Variants in IFIH1 observed in about 807,000 individuals in gnomAD.
IFIH1 encodes interferon-induced helicase C domain-containing protein 1.
In IFIH1, 125 loss-of-function variants were observed where a neutral mutation model predicts 107.4. That is an observed-to-expected ratio of 1.16 (90% CI 1.01 to 1.35). The LOEUF (loss-of-function observed/expected upper bound fraction) is 1.35, where lower values mean the gene tolerates loss of function less well. Ranked by LOEUF, IFIH1 falls within the 40% of genes most tolerant of loss-of-function variation. IFIH1 has a pLI of 0.00. For missense variants in IFIH1, 1,333 were observed against 1,213.7 expected, an observed-to-expected ratio of 1.10 and a Z score of -1.46; for synonymous variants, 458 against 413.2, an observed-to-expected ratio of 1.11 and a Z score of -1.31.
chr2:162,294,501 T>C (rs1683051252), intron 3 of IFIH1, among the ~76,000 whole-genome samples: 1 of 151,954 alleles, frequency 6.6e-6, no homozygotes, highest in Admixed American at 6.6e-5. Flanking sequence ...TTACTAATAT[T>C]GGCTTTGGAA....
Position 162,288,273 on chromosome 2 carries a change from G to A in IFIH1, c.957C>T (p.Ala319=), listed in dbSNP as rs1450839888. Residue 319 remains alanine (A), a synonymous_variant, in exon 5 of 16, where the codon GCC becomes GCT. Coordinates refer to ENST00000649979, the MANE Select transcript of IFIH1 (RefSeq NM_022168.4). ...AGATGATGATATTCTTCCCTTCCAA[G>A]GCTGGCTGGGCAACTTCCATTTGGT... is the stretch of plus-strand genomic sequence containing the variant. The part of the protein sequence containing the change: ...RPYQMEVAQP[A]LEGKNIIICL... The A allele has an allele frequency of 2.5e-6, 4 of 1,612,650 alleles. No homozygotes were observed. The highest frequency in any genetic ancestry group is 2.2e-5 in the East Asian group (1 of 44,840).
intron 1 of IFIH1, among the ~76,000 whole-genome samples, chr2:162,315,094 G>A (rs1314996852): frequency 6.6e-6 from 1 of 152,160 alleles, no homozygotes; most frequent in East Asian, 1.9e-4. Context: ...TGTCTATGGG[G>A]AAACAGAAAA....
At position 162,304,757 on chromosome 2, in the gene IFIH1, A is replaced by G. The variant is rs572790169; in HGVS notation, c.769+1952T>C. Reference sequence around the variant, plus strand: ...ATAACGAAATACCATTTTTAATAGCAGCCAAATTGAAAAGATTGAACATGA... The same window carrying G: ...ATAACGAAATACCATTTTTAATAGCGGCCAAATTGAAAAGATTGAACATGA... On this transcript the variant is annotated intron_variant, in intron 3 of 15. Coordinates refer to ENST00000649979, the MANE Select transcript of IFIH1 (RefSeq NM_022168.4). 2.0e-5 allele frequency among the ~76,000 whole-genome samples: 3 copies of G among 152,330 alleles called. No homozygotes were observed. In the South Asian group the frequency reaches 6.2e-4, roughly 32 times the overall value.
chr2:162,304,476 C>T (rs1465917739), intron 3 of IFIH1, among the ~76,000 whole-genome samples: 3 of 151,950 alleles, frequency 2.0e-5, no homozygotes, highest in Admixed American at 1.3e-4. Flanking sequence ...TCCCCGCCTG[C>T]CCCCAGAACC....
chr2:162,303,419 C>T (rs757501693), intron 3 of IFIH1, among the ~76,000 whole-genome samples: 1 of 152,034 alleles, frequency 6.6e-6, no homozygotes, highest in Non-Finnish European at 1.5e-5. Context: ...CCTGGCCTGA[C>T]TCATTTACTC....
intron 14 of IFIH1, among the ~76,000 whole-genome samples, chr2:162,267,844 G>A (rs1467446849): frequency 6.6e-6 from 1 of 152,200 alleles, no homozygotes; most frequent in African/African-American, 2.4e-5. Context: ...GAGAACAAAT[G>A]ATGAGCATAC....
intron 2 of IFIH1, chr2:162,310,308 AATGCTGTT>A: frequency 5.8e-6 from 1 of 171,720 alleles, no homozygotes; most frequent in African/African-American, 2.4e-5. Context: ...ACTATTATTG[AATGCTGTT>A]TAAAATCTCA....
At chr2:162,300,153 T>C (rs989280895) in intron 3 of IFIH1, among the ~76,000 whole-genome samples, 9 of 152,194 alleles carry the variant, frequency 5.9e-5, no homozygotes, top group African/African-American at 2.2e-4. Flanking sequence ...TATAAACTTT[T>C]TGAGAGTGAA....
intron 12 of IFIH1, 59 bp from the exon 13 acceptor site, chr2:162,272,446 G>GT: frequency 7.0e-7 from 1 of 1,430,888 alleles, no homozygotes; most frequent in Non-Finnish European, 9.6e-7. Context: ...AATCCTCCTG[G>GT]TTTTTTCTGG....
At position 162,267,391 on chromosome 2, in the gene IFIH1, A is replaced by G. The variant is rs1452517008; in HGVS notation, c.2899-12T>C. The G allele has an allele frequency of 6.2e-7, 1 of 1,613,942 alleles. No individual in the cohort carries two copies. The highest frequency in any genetic ancestry group is 1.1e-5 in the South Asian group (1 of 91,018). On this transcript the variant is annotated splice_polypyrimidine_tract_variant and intron_variant, in intron 15 of 15. Coordinates refer to ENST00000649979, the MANE Select transcript of IFIH1 (RefSeq NM_022168.4). ...ATTGTTCCCCAAGCCTGGAAAACAA[A>G]AGAGAGAGCAAGAGGAAAATTAAAT...
In IFIH1 at chr2:162,282,576, C is replaced by T; in HGVS notation, c.1096G>A (p.Val366Ile). ...CGGAAGAGCTGTTCAACTAGCAGTA[C>T]CTTAAAAAAATGTGAAGATTTTTTA... ...PGKVIVLVNK[V>I]LLVEQLFRKE... is the part of the protein sequence containing the mutation. The change falls in exon 6 of 16, where the codon GTA becomes ATA. Residue 366 changes from valine to isoleucine, a missense_variant and splice_region_variant. Physicochemically the swap from Val to Ile is conservative, Grantham distance 29. Coordinates refer to ENST00000649979, the MANE Select transcript of IFIH1 (RefSeq NM_022168.4). The T allele has an allele frequency of 1.3e-6, 2 of 1,593,586 alleles. No homozygotes were observed. Among genetic ancestry groups the T allele is most frequent in the Non-Finnish European group, 1.7e-6 (2 of 1,168,788 alleles).
At chr2:162,269,539 C>T (rs1690992952) in intron 13 of IFIH1, among the ~76,000 whole-genome samples, 1 of 152,258 alleles carries the variant, frequency 6.6e-6, no homozygotes, top group East Asian at 1.9e-4. Flanking sequence ...GTTTATGTAA[C>T]ATATGAAAGT....
At chr2:162,315,074 A>T (rs1352707671) in intron 1 of IFIH1, among the ~76,000 whole-genome samples, 3 of 152,206 alleles carry the variant, frequency 2.0e-5, no homozygotes, top group Non-Finnish European at 4.4e-5. Context: ...ATAATAGATC[A>T]AGTAGAAAAT....
chr2:162,301,302 CACTCTACAGTT>C (rs1379061915), intron 3 of IFIH1, among the ~76,000 whole-genome samples: 1 of 152,178 alleles, frequency 6.6e-6, no homozygotes, highest in Non-Finnish European at 1.5e-5. Flanking sequence ...ACACATGGCA[CACTCTACAGTT>C]ACATTATAAT....
intron 1 of IFIH1, among the ~76,000 whole-genome samples, chr2:162,316,178 G>A (rs1455633097): frequency 6.6e-6 from 1 of 152,204 alleles, no homozygotes; most frequent in Non-Finnish European, 1.5e-5. Context: ...TAAATAGGGA[G>A]AAGTGCTGTT....
chr2:162,279,327 T>C (rs897057613), intron 8 of IFIH1, among the ~76,000 whole-genome samples: 1 of 152,124 alleles, frequency 6.6e-6, no homozygotes, highest in Non-Finnish European at 1.5e-5. Flanking sequence ...ATATTTCATA[T>C]CATTTGATCC....
chr2:162,303,298 T>G (rs1683223516), intron 3 of IFIH1, among the ~76,000 whole-genome samples: 1 of 152,170 alleles, frequency 6.6e-6, no homozygotes, highest in African/African-American at 2.4e-5. Flanking sequence ...GTATTTTTAA[T>G]ACAGATAGGG....
rs2105187036 is a variant in IFIH1 at position 162,267,527 on chromosome 2, C to A, written c.2850G>T (p.Lys950Asn). The change falls in exon 15 of 16, where the codon AAG (lysine) becomes AAT (asparagine). Residue 950 changes from lysine (K) to asparagine (N), a missense_variant. By Grantham distance (94) the Lys-to-Asn change is moderately conservative. Transcript: ENST00000649979. ...CACCATTTATTTGATAGTCGGCACA[C>A]TTCTTTTGCAGTGCTTTGTTTTCTC... is the stretch of plus-strand genomic sequence containing the variant. ...IVRENKALQK[K>N]CADYQINGEI... 9.9e-6 allele frequency: 16 copies of A among 1,613,884 alleles called. No homozygotes were observed. Among genetic ancestry groups the A allele is most frequent in the Non-Finnish European group, 1.4e-5 (16 of 1,179,746 alleles).
intron 3 of IFIH1, among the ~76,000 whole-genome samples, chr2:162,299,566 T>G (rs550575314): frequency 6.6e-6 from 1 of 152,226 alleles, no homozygotes; most frequent in Admixed American, 6.5e-5. Flanking sequence ...GAAAGAGATG[T>G]GCACACTGGG....
Sources: gnomAD v4.1 joint callset for allele counts (sites outside exome capture counted in the v4.1 genomes callset) on GRCh38, gnomAD v4.1.1 for gene constraint, MANE v1.5 for transcripts, NCBI Gene and HGNC (gene_info 2026-07-23, HGNC 2026-07-21) for gene names.